The following COP1 variants were observed in gnomAD, a reference collection of about 807,000 sequenced individuals.
The protein encoded by COP1 is COP1 E3 ubiquitin ligase.
COP1 carries 24 observed loss-of-function variants against 101.3 expected under a neutral mutation model. The observed-to-expected ratio is 0.24, with a 90% CI of 0.17 to 0.33. The LOEUF is 0.33. Ranked by LOEUF, COP1 falls within the 10% of genes least tolerant of loss-of-function variation. The pLI is 1.00. For synonymous variants in COP1, 347 were observed against 341.9 expected (o/e 1.01, Z -0.17); for missense variants, 663 against 906.2 (o/e 0.73, Z 3.45).
At chr1:176,057,851 A>G (rs1191930349) in intron 11 of COP1, among the ~76,000 whole-genome samples, 2 of 149,480 alleles carry the variant, frequency 1.3e-5, no homozygotes, top group Admixed American at 6.6e-5. Context: ...GGAAGTAAGG[A>G]GCGCCTCTTC....
chr1:176,081,385 C>A, intron 10 of COP1, 98 bp from the exon 11 acceptor site: 2 of 939,978 alleles, frequency 2.1e-6, no homozygotes, highest in African/African-American at 1.7e-5. Context: ...ATTCTAAATA[C>A]AAAAAACAAT....
At chr1:176,054,857 A>C (rs1447335465) in intron 11 of COP1, among the ~76,000 whole-genome samples, 1 of 152,120 alleles carries the variant, frequency 6.6e-6, no homozygotes, top group Non-Finnish European at 1.5e-5. Context: ...TAATACCATA[A>C]CTTTACAAAA....
chr1:176,083,934 C>G (rs1282723066), intron 10 of COP1, among the ~76,000 whole-genome samples: 4 of 152,194 alleles, frequency 2.6e-5, no homozygotes, highest in Non-Finnish European at 5.9e-5. Flanking sequence ...AAAAATCTAT[C>G]TAATTTTCCA....
intron 2 of COP1, among the ~76,000 whole-genome samples, chr1:176,181,933 C>T (rs1184803826): frequency 6.6e-6 from 1 of 151,898 alleles, no homozygotes; most frequent in Non-Finnish European, 1.5e-5. Context: ...AGGATCTAAG[C>T]CTAAATTGTT....
chr1:175,958,795 G>A lies in COP1; in HGVS notation c.2134-11556C>T, dbSNP rs533428444. 5.9e-5 allele frequency among the ~76,000 whole-genome samples: 9 copies of A among 152,008 alleles called. No homozygotes were observed. The South Asian group carries it at 8.3e-4, about 14-fold the overall frequency. Reference sequence around the variant, plus strand: ...CTAATCAAGAAGAAATAGAAAGCAAGAATCATCCTACAGGTATTAAATTCA... The same window carrying A: ...CTAATCAAGAAGAAATAGAAAGCAAAAATCATCCTACAGGTATTAAATTCA... On this transcript the variant is annotated intron_variant, in intron 18 of 19. Coordinates refer to ENST00000367669, the MANE Select transcript of COP1 (RefSeq NM_022457.7).
chr1:176,121,612 C>T (rs563271826), intron 8 of COP1, among the ~76,000 whole-genome samples: 1 of 152,252 alleles, frequency 6.6e-6, no homozygotes, highest in South Asian at 2.1e-4. Flanking sequence ...TTGACAGTTG[C>T]AACTTGGACA....
Position 176,071,077 on chromosome 1 carries a change from T to C in COP1, c.1277+10075A>G, listed in dbSNP as rs527994240. ...TATTTGTACCTGCCCAAATCTCATA[T>C]TGAACTTGTAATCCATAATGCTGGA... On this transcript the variant is annotated intron_variant, in intron 11 of 19. Coordinates refer to ENST00000367669, the MANE Select transcript of COP1 (RefSeq NM_022457.7). Among the ~76,000 whole-genome samples the C allele has an allele frequency of 2.6e-5, 4 of 152,322 alleles. No individual in the cohort carries two copies. The South Asian group carries it at 8.3e-4, about 32-fold the overall frequency.
chr1:176,204,488 C>G (rs1387002959), intron 1 of COP1, among the ~76,000 whole-genome samples: 1 of 152,168 alleles, frequency 6.6e-6, no homozygotes, highest in Non-Finnish European at 1.5e-5. Flanking sequence ...TGGGCCTTGC[C>G]TAATCCATAT....
chr1:175,988,601 G>C (rs1657679551), intron 16 of COP1, 189 bp from the exon 17 acceptor site: 1 of 462,458 alleles, frequency 2.2e-6, no homozygotes, highest in African/African-American at 2.0e-5. Flanking sequence ...GGTAGGCCGA[G>C]GCAGGTGGAC....
At chr1:176,193,179 T>C (rs920244322) in intron 1 of COP1, among the ~76,000 whole-genome samples, 1 of 152,128 alleles carries the variant, frequency 6.6e-6, no homozygotes, top group Non-Finnish European at 1.5e-5. Flanking sequence ...AAAAGATGGT[T>C]AACCTCACTA....
At chr1:176,026,189 A>C (rs1215275634) in intron 15 of COP1, among the ~76,000 whole-genome samples, 1 of 152,076 alleles carries the variant, frequency 6.6e-6, no homozygotes, top group African/African-American at 2.4e-5. Context: ...AGAAGGAGAA[A>C]ATTTGATAAT....
intron 18 of COP1, among the ~76,000 whole-genome samples, chr1:175,971,045 G>A (rs1653135814): frequency 6.6e-6 from 1 of 152,134 alleles, no homozygotes; most frequent in Admixed American, 6.5e-5. Context: ...CGAAAACAAA[G>A]ATATATAGAA....
At chr1:176,125,119 T>C (rs1034001311) in intron 8 of COP1, among the ~76,000 whole-genome samples, 3 of 151,956 alleles carry the variant, frequency 2.0e-5, no homozygotes, top group Non-Finnish European at 2.9e-5. Flanking sequence ...TTTTTTCCTA[T>C]AGAATTTTCT....
intron 11 of COP1, among the ~76,000 whole-genome samples, chr1:176,074,790 T>TG (rs1677674110): frequency 8.0e-6 from 1 of 124,806 alleles, no homozygotes; most frequent in African/African-American, 3.0e-5. Context: ...CTTTCAGGAA[T>TG]GAAAAAAAAA....
chr1:176,173,612 C>T (rs1474338916), intron 3 of COP1, among the ~76,000 whole-genome samples: 1 of 148,394 alleles, frequency 6.7e-6, no homozygotes, highest in African/African-American at 2.5e-5. Context: ...TGCACTCCAG[C>T]GGGTAACAGA....
At chr1:176,072,694 T>C (rs1677220394) in intron 11 of COP1, among the ~76,000 whole-genome samples, 1 of 152,184 alleles carries the variant, frequency 6.6e-6, no homozygotes, top group African/African-American at 2.4e-5. Context: ...AAGGAACATA[T>C]TAAAAGTTAC....
At chr1:176,194,589 G>A (rs902709988) in intron 1 of COP1, among the ~76,000 whole-genome samples, 1 of 152,088 alleles carries the variant, frequency 6.6e-6, no homozygotes, top group Non-Finnish European at 1.5e-5. Context: ...AGTGAGCCAA[G>A]ATAACACCAC....
chr1:175,968,717 G>C (rs939131222), intron 18 of COP1, among the ~76,000 whole-genome samples: 3 of 152,182 alleles, frequency 2.0e-5, no homozygotes, highest in Non-Finnish European at 2.9e-5. Flanking sequence ...GGGAGAAAAG[G>C]CTGTGAAGAA....
At chr1:176,008,149 C>CT (rs1276934324) in intron 15 of COP1, among the ~76,000 whole-genome samples, 4 of 152,228 alleles carry the variant, frequency 2.6e-5, no homozygotes, top group African/African-American at 9.6e-5. Context: ...GGAAAGGGAA[C>CT]TCCCTGACCC....
Sources: gnomAD v4.1 joint callset for allele counts (sites outside exome capture counted in the v4.1 genomes callset) on GRCh38, gnomAD v4.1.1 for gene constraint, MANE v1.5 for transcripts, NCBI Gene and HGNC (gene_info 2026-07-23, HGNC 2026-07-21) for gene names.